RUNX1T1: variants seen among roughly 807,000 people sequenced by gnomAD.
RUNX1T1 encodes RUNX1 partner transcriptional co-repressor 1.
RUNX1T1 carries 4 observed loss-of-function variants against 62.8 expected under a neutral mutation model. The ratio of observed to expected loss-of-function variants is 0.06; its 90% CI spans 0.03 to 0.15. The LOEUF (loss-of-function observed/expected upper bound fraction) is 0.15. RUNX1T1 is among the 10% of genes least tolerant of loss of function. The pLI, the probability that RUNX1T1 is intolerant of heterozygous loss-of-function variation, is 1.00. For missense variants in RUNX1T1, 508 were observed against 754.3 expected, an observed-to-expected ratio of 0.67 and a Z score of 3.82; for synonymous variants, 291 against 286.0, an observed-to-expected ratio of 1.02 and a Z score of -0.18.
chr8:92,101,081 T>C (rs1279623414), upstream of RUNX1T1, among the ~76,000 whole-genome samples: 1 of 152,242 alleles, frequency 6.6e-6, no homozygotes, highest in Middle Eastern at 3.2e-3. Flanking sequence ...GTTCCACTCC[T>C]GTTCTATGCA....
chr8:92,102,602 G>A (rs893402802), upstream of RUNX1T1, among the ~76,000 whole-genome samples: 12 of 152,118 alleles, frequency 7.9e-5, no homozygotes, highest in Admixed American at 7.2e-4. This position sits in a 1 kb window ranked among gnomAD's most constrained non-coding sequence, Gnocchi z 4.5. Flanking sequence ...AAAAGACACT[G>A]TGGGGAATAT....
chr8:92,103,198 T>C (rs1808456394), upstream of RUNX1T1: 2 of 323,196 alleles, frequency 6.2e-6, no homozygotes, highest in African/African-American at 4.3e-5. Flanking sequence ...CGCTTTTCTG[T>C]TGTTGCTGCT....
chr8:92,102,050 C>G (rs1339726189), upstream of RUNX1T1, among the ~76,000 whole-genome samples: 1 of 152,240 alleles, frequency 6.6e-6, no homozygotes, highest in East Asian at 1.9e-4. The surrounding 1 kb of genome is among the most constrained non-coding windows in gnomAD (Gnocchi z 4.5). Context: ...GCTCCCCACT[C>G]AGAAGAAGCG....
chr8:92,102,781 G>T, upstream of RUNX1T1: 1 of 1,380,814 alleles, frequency 7.2e-7, no homozygotes, highest in South Asian at 1.4e-5. This position sits in a 1 kb window ranked among gnomAD's most constrained non-coding sequence, Gnocchi z 4.5. Flanking sequence ...GACGGTCATC[G>T]GAACAGTAAT....
chr8:92,099,204 ATT>A (rs1837929114), intron 1 of RUNX1T1, among the ~76,000 whole-genome samples: 1 of 152,138 alleles, frequency 6.6e-6, no homozygotes, highest in Non-Finnish European at 1.5e-5. Flanking sequence ...AAAAGAATAA[ATT>A]TTTTTCTTAT....
At chr8:92,000,743 G>A (rs1170974411) in intron 5 of RUNX1T1, among the ~76,000 whole-genome samples, 2 of 152,102 alleles carry the variant, frequency 1.3e-5, no homozygotes, top group Non-Finnish European at 1.5e-5. Flanking sequence ...CATTAAGCCA[G>A]GAACACAGGC....
At chr8:92,088,510 T>C (rs1836486007) in intron 1 of RUNX1T1, among the ~76,000 whole-genome samples, 1 of 152,114 alleles carries the variant, frequency 6.6e-6, no homozygotes, top group South Asian at 2.1e-4. Flanking sequence ...CACTTGTCAA[T>C]GTGCATTTGA....
At position 92,014,459 on chromosome 8, in the gene RUNX1T1, A is replaced by T. The variant is rs951000688; in HGVS notation, c.387+120T>A. On this transcript the variant is annotated intron_variant, in intron 3 of 10. Coordinates refer to ENST00000396218, the Ensembl canonical transcript of RUNX1T1. The stretch of plus-strand genomic sequence containing the variant: ...ATAGCATGAATCAGACTTGCACACA[A>T]TCTTCAGATGTAGAAACTATTATAA... 6 of 953,064 alleles carry T rather than the reference A, an allele frequency of 6.3e-6. No individual in the cohort carries two copies. The African/African-American group carries it at 9.9e-5, about 16-fold the overall frequency. The allele number at this position is 953,064 out of a possible 1,614,324, so 59.0% of individuals were successfully genotyped here.
intron 1 of RUNX1T1, among the ~76,000 whole-genome samples, chr8:92,083,310 G>T (rs546934739): frequency 1.6e-4 from 25 of 152,218 alleles, no homozygotes; most frequent in Non-Finnish European, 3.2e-4. Context: ...AGAGTGAACA[G>T]GCAACCTACA....
chr8:92,076,185 C>T (rs1277690481), intron 1 of RUNX1T1, 48 bp from the exon 2 acceptor site: 3 of 1,412,696 alleles, frequency 2.1e-6, no homozygotes, highest in Non-Finnish European at 2.8e-6. Context: ...CACAACCAGT[C>T]TGAAGTATCA....
intron 1 of RUNX1T1, among the ~76,000 whole-genome samples, chr8:92,045,093 TA>T (rs1829162933): frequency 6.7e-6 from 1 of 149,818 alleles, no homozygotes; most frequent in East Asian, 1.9e-4. Flanking sequence ...GATATCGATA[TA>T]TATATTATAC....
downstream of RUNX1T1, chr8:91,958,512 G>A (rs1809700421): frequency 5.3e-6 from 1 of 188,788 alleles, no homozygotes; most frequent in South Asian, 2.0e-4. Flanking sequence ...GAGCTCTAAT[G>A]ATTTTTACTT....
intron 1 of RUNX1T1, among the ~76,000 whole-genome samples, chr8:92,059,179 C>G (rs1831506949): frequency 6.6e-6 from 1 of 152,158 alleles, no homozygotes; most frequent in Non-Finnish European, 1.5e-5. Flanking sequence ...TAGTTTTCTT[C>G]TATAGTTGGC....
Position 91,986,985 on chromosome 8 carries a change from A to G in RUNX1T1, c.911-13T>C, listed in dbSNP as rs1375114545. 2 of 1,568,734 alleles carry G rather than the reference A, an allele frequency of 1.3e-6. No individual in the cohort carries two copies. The highest frequency in any genetic ancestry group is 8.8e-7 in the Non-Finnish European group (1 of 1,139,318). The stretch of plus-strand genomic sequence containing the variant: ...GTGCCATGCAACCCTACAAAAATAG[A>G]GAAGGCTGAATAACCCTAAAGCATT... On this transcript the variant is annotated splice_polypyrimidine_tract_variant and intron_variant, in intron 6 of 10. Coordinates refer to ENST00000396218, the Ensembl canonical transcript of RUNX1T1.
chr8:91,974,853 G>C (rs539592929), intron 9 of RUNX1T1, among the ~76,000 whole-genome samples: 1 of 152,036 alleles, frequency 6.6e-6, no homozygotes, highest in African/African-American at 2.4e-5. Context: ...TACAAAAACA[G>C]GTATTTCTTG....
At chr8:92,093,731 C>T (rs1837378187) in intron 1 of RUNX1T1, among the ~76,000 whole-genome samples, 1 of 152,190 alleles carries the variant, frequency 6.6e-6, no homozygotes, top group Non-Finnish European at 1.5e-5. Flanking sequence ...GAATGTCACT[C>T]ATGCAACAAA....
chr8:92,094,772 A>G (rs1271702322), intron 1 of RUNX1T1, among the ~76,000 whole-genome samples: 1 of 152,162 alleles, frequency 6.6e-6, no homozygotes, highest in Non-Finnish European at 1.5e-5. Context: ...GGGAGAGGAA[A>G]TAAGACATTT....
intron 5 of RUNX1T1, chr8:91,994,703 CT>C: frequency 4.6e-6 from 2 of 438,322 alleles, no homozygotes; most frequent in Non-Finnish European, 4.5e-6. Context: ...CAATGAAGAA[CT>C]TTTCCCCAAA....
downstream of RUNX1T1, chr8:91,958,910 T>C (rs1809790446): frequency 5.1e-6 from 1 of 196,664 alleles, no homozygotes; most frequent in Non-Finnish European, 1.0e-5. Flanking sequence ...AGATAGCTTT[T>C]CTTCTTTTCT....
Sources: allele counts gnomAD v4.1 joint callset (sites outside exome capture counted in the v4.1 genomes callset), GRCh38; gene constraint gnomAD v4.1.1; non-coding constraint Gnocchi (gnomAD v3.1); transcripts MANE v1.5; gene names NCBI Gene and HGNC (gene_info 2026-07-23, HGNC 2026-07-21).